AMTN: variants seen among roughly 807,000 people sequenced by gnomAD.
AMTN encodes amelotin.
Under a neutral mutation model 27.4 loss-of-function variants are expected in AMTN, and 29 were observed. The observed-to-expected ratio is 1.06, with a 90% CI of 0.79 to 1.44. The LOEUF (loss-of-function observed/expected upper bound fraction) is 1.44, where lower values mean the gene tolerates loss of function less well. Ranked by LOEUF, AMTN falls within the 40% of genes most tolerant of loss-of-function variation. The pLI is 0.00. For synonymous variants in AMTN, 86 were observed against 95.7 expected, an observed-to-expected ratio of 0.90 and a Z score of 0.59; for missense variants, 247 against 248.8, an observed-to-expected ratio of 0.99 and a Z score of 0.05.
rs192563032 is a variant in AMTN at position 70,523,868 on chromosome 4, G to T, written c.139G>T (p.Val47Phe). 62 of 1,613,394 alleles carry T rather than the reference G, an allele frequency of 3.8e-5. 1 individual carries two copies. The Admixed American group carries it at 8.3e-4, about 22-fold the overall frequency. The change falls in exon 4 of 9, where the codon GTC becomes TTC. Residue 47 changes from valine to phenylalanine, a missense_variant and splice_region_variant. By Grantham distance (50) the Val-to-Phe change is conservative (BLOSUM62 -1). Coordinates refer to ENST00000339336, the MANE Select transcript of AMTN (RefSeq NM_212557.4). ...ATACATCACTTTCAATCCCCTGCAG[G>T]TCTTTCCTTCTTTAAGTCTGATACC... ...TLPNQQQSNQ[V>F]FPSLSLIPLT...
intron 3 of AMTN, among the ~76,000 whole-genome samples, chr4:70,523,322 G>A (rs577691975): frequency 2.6e-5 from 4 of 152,210 alleles, no homozygotes; most frequent in Non-Finnish European, 2.9e-5. Context: ...TCTTCAAAGC[G>A]TATTTAAATA....
At chr4:70,525,172 A>G (rs913309612) in intron 5 of AMTN, among the ~76,000 whole-genome samples, 1 of 152,090 alleles carries the variant, frequency 6.6e-6, no homozygotes, top group African/African-American at 2.4e-5. Flanking sequence ...CTACCTCACA[A>G]CTTCTCTAGA....
intron 2 of AMTN, among the ~76,000 whole-genome samples, chr4:70,519,079 C>A (rs1735886994): frequency 6.6e-6 from 1 of 152,096 alleles, no homozygotes; most frequent in Non-Finnish European, 1.5e-5. Context: ...TTTGGCAGAG[C>A]AATAGGCTAG....
intron 5 of AMTN, among the ~76,000 whole-genome samples, chr4:70,526,587 G>A (rs1209730738): frequency 6.6e-6 from 1 of 152,148 alleles, no homozygotes; most frequent in African/African-American, 2.4e-5. Context: ...GATTTAAGAT[G>A]CAAATAAAAA....
At chr4:70,524,201 A>G (rs955720928) in intron 4 of AMTN, among the ~76,000 whole-genome samples, 1 of 152,108 alleles carries the variant, frequency 6.6e-6, no homozygotes, top group East Asian at 1.9e-4. Flanking sequence ...TCCTCTCTCC[A>G]TTCCTCCACC....
chr4:70,528,811 G>A, intron 6 of AMTN, 53 bp downstream of exon 6: 1 of 1,468,906 alleles, frequency 6.8e-7, no homozygotes, highest in Non-Finnish European at 9.2e-7. Context: ...GCTGTGAAAG[G>A]TGATTTTCTT....
intron 5 of AMTN, among the ~76,000 whole-genome samples, chr4:70,527,080 G>C (rs1418714450): frequency 2.0e-5 from 3 of 152,134 alleles, no homozygotes; most frequent in Non-Finnish European, 4.4e-5. Flanking sequence ...CTTATATGAT[G>C]TTGGCCAAGT....
chr4:70,532,587 T>C lies in AMTN; in HGVS notation c.*122T>C. ...GATAGTCTTAGAAGAAATTAATTCT[T>C]AATTTACCTGAAAATATTCTTGAAA... On this transcript the variant is annotated 3_prime_UTR_variant, in exon 9 of 9. Transcript: ENST00000339336. 1.1e-6 allele frequency: 1 copy of C among 884,836 alleles called. No individual in the cohort carries two copies. Among genetic ancestry groups the C allele is most frequent in the Admixed American group, 3.0e-5 (1 of 33,882 alleles). The allele number at this position is 884,836 out of a possible 1,614,324, so 54.8% of individuals were successfully genotyped here. A position where few individuals can be genotyped will look rare whatever the true frequency, so the allele number is the denominator to read the frequency against.
At chr4:70,518,923 C>A in intron 2 of AMTN, 92 bp downstream of exon 2, 4 of 1,053,010 alleles carry the variant, frequency 3.8e-6, no homozygotes, top group Non-Finnish European at 5.9e-6. Context: ...ATCAAAACTG[C>A]TCTGTTTTGT....
chr4:70,519,161 AC>A (rs1386477374), intron 2 of AMTN, among the ~76,000 whole-genome samples: 2 of 152,214 alleles, frequency 1.3e-5, no homozygotes, highest in African/African-American at 4.8e-5. Context: ...TTTCTTGGCA[AC>A]TAGTTATTTG....
chr4:70,523,833 C>T (rs969283753), intron 3 of AMTN, 35 bp from the exon 4 acceptor site: 4 of 1,561,790 alleles, frequency 2.6e-6, no homozygotes, highest in Non-Finnish European at 3.5e-6. Flanking sequence ...AGCAGACAAC[C>T]TCTTGTCTCA....
At chr4:70,525,466 A>C (rs1251104175) in intron 5 of AMTN, among the ~76,000 whole-genome samples, 1 of 152,230 alleles carries the variant, frequency 6.6e-6, no homozygotes, top group Non-Finnish European at 1.5e-5. Flanking sequence ...CTTTCAAAAA[A>C]ACGAAACCTG....
intron 2 of AMTN, among the ~76,000 whole-genome samples, chr4:70,521,638 C>CTTTTTTT (rs1560572106): frequency 3.8e-5 from 3 of 78,956 alleles, no homozygotes; most frequent in East Asian, 5.2e-4. Flanking sequence ...ATACCAACCT[C>CTTTTTTT]TCTTTTTTTT....
intron 7 of AMTN, among the ~76,000 whole-genome samples, chr4:70,530,566 A>G (rs749097775): frequency 1.3e-5 from 2 of 152,204 alleles, no homozygotes; most frequent in Non-Finnish European, 2.9e-5. Context: ...ATCTCTCTAA[A>G]AATGAAAAAC....
At chr4:70,526,679 C>G (rs560550744) in intron 5 of AMTN, among the ~76,000 whole-genome samples, 1 of 152,186 alleles carries the variant, frequency 6.6e-6, no homozygotes, top group Non-Finnish European at 1.5e-5. Flanking sequence ...CCTCCTCTAA[C>G]CTTGAAGGTA....
At chr4:70,522,519 C>G (rs3907125) in intron 2 of AMTN, among the ~76,000 whole-genome samples, 102,712 of 151,902 alleles carry the variant, frequency 0.68, 35,362 homozygotes, top group African/African-American at 0.76. Context: ...GACATCCCAT[C>G]TGCTTGGGTT....
chr4:70,523,818 A>G, intron 3 of AMTN, 50 bp from the exon 4 acceptor site: 3 of 1,494,846 alleles, frequency 2.0e-6, no homozygotes, highest in Non-Finnish European at 2.8e-6. Context: ...TGACAGAGTA[A>G]GGGAAGCAGA....
At chr4:70,532,031 G>A (rs1342251040) in intron 8 of AMTN, among the ~76,000 whole-genome samples, 1 of 152,208 alleles carries the variant, frequency 6.6e-6, no homozygotes, top group South Asian at 2.1e-4. Context: ...AGCAGAATGT[G>A]TTCCTTGCCC....
chr4:70,521,397 A>G (rs1468051693), intron 2 of AMTN, among the ~76,000 whole-genome samples: 1 of 128,414 alleles, frequency 7.8e-6, no homozygotes, highest in Admixed American at 8.8e-5. Context: ...AAAAAAAAGA[A>G]GAAGAAAAGA....
Sources: gnomAD v4.1 joint callset for allele counts (sites outside exome capture counted in the v4.1 genomes callset) on GRCh38, gnomAD v4.1.1 for gene constraint, MANE v1.5 for transcripts, NCBI Gene and HGNC (gene_info 2026-07-23, HGNC 2026-07-21) for gene names.